Variants in SIRPG observed in about 807,000 individuals in gnomAD.
The protein encoded by SIRPG is signal regulatory protein gamma.
SIRPG carries 38 observed loss-of-function variants against 35.7 expected under a neutral mutation model. The observed-to-expected ratio is 1.06, with a 90% CI of 0.82 to 1.40. The LOEUF is 1.40. Ranked by LOEUF, SIRPG falls within the 40% of genes most tolerant of loss-of-function variation. SIRPG has a pLI of 0.00. For synonymous variants in SIRPG, 215 were observed against 190.4 expected (o/e 1.13, Z -1.06); for missense variants, 519 against 483.0 (o/e 1.07, Z -0.70).
the SIRPG span, among the ~76,000 whole-genome samples, chr20:1,677,155 G>A: frequency 6.7e-6 from 1 of 149,250 alleles, no homozygotes; most frequent in South Asian, 2.1e-4. Flanking sequence ...ACATGAGACT[G>A]TATTAGAAGT....
the SIRPG span, among the ~76,000 whole-genome samples, chr20:1,671,720 A>G: frequency 6.6e-6 from 1 of 152,226 alleles, no homozygotes; most frequent in South Asian, 2.1e-4. Context: ...TAGATTAACT[A>G]AAAGTATTCC....
the SIRPG span, chr20:1,671,122 T>C: frequency 2.3e-6 from 1 of 428,058 alleles, no homozygotes; most frequent in Admixed American, 2.6e-5. Flanking sequence ...GCCGTGGGAC[T>C]CACAGGTGAA....
chr20:1,631,976 C>T (rs1341096022), intron 4 of SIRPG, among the ~76,000 whole-genome samples: 1 of 152,170 alleles, frequency 6.6e-6, no homozygotes, highest in East Asian at 1.9e-4. Flanking sequence ...TTTCTTATCT[C>T]TTGTGGCTAG....
At chr20:1,685,099 T>C in the SIRPG span, among the ~76,000 whole-genome samples, 1 of 152,130 alleles carries the variant, frequency 6.6e-6, no homozygotes. Flanking sequence ...CTCCCTGGCC[T>C]GAGTAGGGTG....
At chr20:1,671,016 G>A in the SIRPG span, 1 of 387,830 alleles carries the variant, frequency 2.6e-6, no homozygotes, top group Non-Finnish European at 5.3e-6. Flanking sequence ...AGGTGCTATA[G>A]GGCATACTTT....
the SIRPG span, among the ~76,000 whole-genome samples, chr20:1,678,421 GT>G: frequency 4.6e-5 from 7 of 152,264 alleles, no homozygotes; most frequent in East Asian, 1.3e-3. Flanking sequence ...GAACTTTAGA[GT>G]TGAAAGTATT....
Position 1,631,048 on chromosome 20 carries a change from T to C in SIRPG, c.1082-742A>G, listed in dbSNP as rs1487936115. ...GTGTCATCTGAAATCTTTCTGTTAG[T>C]TGGGCACACTCAGTTACGGGGAAGC... is the stretch of plus-strand genomic sequence containing the variant. On this transcript the variant is annotated intron_variant, in intron 4 of 5. Transcript: ENST00000303415. Among the ~76,000 whole-genome samples the C allele has an allele frequency of 2.6e-5, 4 of 152,180 alleles. No individual in the cohort carries two copies. In the South Asian group the frequency reaches 8.3e-4, roughly 32 times the overall value.
chr20:1,662,007 G>T (rs76889212), upstream of SIRPG, among the ~76,000 whole-genome samples: 2,022 of 152,320 alleles, frequency 0.013, 17 homozygotes, highest in Middle Eastern at 0.024. Flanking sequence ...GGCTGTAGCA[G>T]CTTTCTGGGA....
chr20:1,631,707 T>G (rs1409340338), intron 4 of SIRPG, among the ~76,000 whole-genome samples: 4 of 152,130 alleles, frequency 2.6e-5, no homozygotes, highest in Non-Finnish European at 5.9e-5. Flanking sequence ...TGGCAGTGAG[T>G]GGGGCTGGGC....
At chr20:1,664,280 A>G in the SIRPG span, among the ~76,000 whole-genome samples, 1 of 152,158 alleles carries the variant, frequency 6.6e-6, no homozygotes, top group Admixed American at 6.5e-5. Context: ...TATTCAAACT[A>G]TCTTGGATGC....
chr20:1,655,639 T>C (rs1224032903), intron 1 of SIRPG, among the ~76,000 whole-genome samples: 1 of 152,186 alleles, frequency 6.6e-6, no homozygotes, highest in East Asian at 1.9e-4. Flanking sequence ...ATATGAATTG[T>C]ATTCTTGAAA....
intron 2 of SIRPG, among the ~76,000 whole-genome samples, chr20:1,641,519 GT>G (rs1332744820): frequency 1.3e-5 from 2 of 151,786 alleles, no homozygotes; most frequent in Admixed American, 1.3e-4. Flanking sequence ...AGTCTAGCTA[GT>G]GGTCTATTTT....
intron 2 of SIRPG, among the ~76,000 whole-genome samples, chr20:1,640,242 T>C (rs578013661): frequency 2.1e-4 from 32 of 152,350 alleles, no homozygotes; most frequent in Non-Finnish European, 3.1e-4. Context: ...TCCATGAGCA[T>C]GGAATGTTTT....
intron 2 of SIRPG, among the ~76,000 whole-genome samples, chr20:1,643,421 G>C (rs6043486): frequency 3.3e-5 from 5 of 152,094 alleles, no homozygotes; most frequent in African/African-American, 1.2e-4. Flanking sequence ...AGCTCCATCA[G>C]GTCATTTATG....
At chr20:1,672,176 G>A in the SIRPG span, among the ~76,000 whole-genome samples, 326 of 152,190 alleles carry the variant, frequency 2.1e-3, 3 homozygotes, top group African/African-American at 7.1e-3. Flanking sequence ...TCTGCTTCCC[G>A]GGATGCAGTG....
the SIRPG span, chr20:1,676,750 C>T: frequency 4.9e-6 from 1 of 204,094 alleles, no homozygotes; most frequent in Non-Finnish European, 1.0e-5. Context: ...TAATTCGTGG[C>T]CTGGTCCAGC....
At chr20:1,649,944 T>C (rs898670586) in intron 1 of SIRPG, among the ~76,000 whole-genome samples, 43 of 145,688 alleles carry the variant, frequency 3.0e-4, no homozygotes, top group African/African-American at 1.1e-3. Context: ...GGATTCAATT[T>C]CAAGGTAGAG....
intron 1 of SIRPG, among the ~76,000 whole-genome samples, chr20:1,653,775 A>G (rs972320298): frequency 6.6e-6 from 1 of 152,208 alleles, no homozygotes; most frequent in Non-Finnish European, 1.5e-5. Context: ...TTCAATGTGC[A>G]TTTCATATAG....
chr20:1,673,478 A>G, the SIRPG span, among the ~76,000 whole-genome samples: 5 of 152,126 alleles, frequency 3.3e-5, no homozygotes, highest in Non-Finnish European at 5.9e-5. Flanking sequence ...GTGCTTAACA[A>G]ATGACCCCTG....
Sources: gnomAD v4.1 joint callset for allele counts (sites outside exome capture counted in the v4.1 genomes callset) on GRCh38, gnomAD v4.1.1 for gene constraint, MANE v1.5 for transcripts, NCBI Gene and HGNC (gene_info 2026-07-23, HGNC 2026-07-21) for gene names.